MAP1B: variants seen among roughly 807,000 people sequenced by gnomAD.
MAP1B encodes the protein microtubule associated protein 1B, also known as microtubule-associated protein 1B.
A neutral mutation model predicts 176.1 loss-of-function variants in MAP1B; 12 were observed. The observed-to-expected ratio is 0.07, with a 90% CI of 0.04 to 0.11. The LOEUF (loss-of-function observed/expected upper bound fraction) is 0.11, where lower values mean the gene tolerates loss of function less well. Among genes scored for constraint, MAP1B ranks in the 10% least tolerant of loss-of-function variants. MAP1B has a pLI of 1.00. For synonymous variants in MAP1B, 1,044 were observed against 1,135.0 expected (o/e 0.92, Z 1.61); for missense variants, 2,523 against 2,990.5 (o/e 0.84, Z 3.65).
Position 72,194,568 on chromosome 5 carries a change from A to C in MAP1B, c.1213A>C (p.Thr405Pro). The C allele has an allele frequency of 1.9e-6, 3 of 1,614,162 alleles. No individual in the cohort carries two copies. The South Asian group carries it at 3.3e-5, about 18-fold the overall frequency. The change falls in exon 5 of 7, where the codon ACT becomes CCT. Residue 405 changes from threonine to proline, a missense_variant. By Grantham distance (38) the Thr-to-Pro change is conservative (BLOSUM62 -1). This residue lies in a region of MAP1B where 1,925 missense variants were observed against 2,126.0 expected (regional missense o/e 0.91). Transcript: ENST00000296755. The surrounding 1 kb of genome is among the most constrained non-coding windows in gnomAD (Gnocchi z 7.2). ...ACCTCTGTTTAGAAGTGTAGGCAAT[A>C]CTATTGATCCTGTCATTCTTTTCCA... ...PEPLFRSVGN[T>P]IDPVILFQKM...
At chr5:72,121,846 C>T (rs1053247005) in intron 2 of MAP1B, among the ~76,000 whole-genome samples, 1 of 152,194 alleles carries the variant, frequency 6.6e-6, no homozygotes, top group African/African-American at 2.4e-5. Flanking sequence ...CCTGCTCCAA[C>T]CTTTAAACAA....
At chr5:72,142,287 C>T (rs1407618184) in intron 2 of MAP1B, among the ~76,000 whole-genome samples, 7 of 152,212 alleles carry the variant, frequency 4.6e-5, no homozygotes, top group African/African-American at 1.7e-4. Flanking sequence ...CCTGGGCGGT[C>T]GCTTATTGTG....
chr5:72,135,763 A>C (rs761804526), intron 2 of MAP1B, among the ~76,000 whole-genome samples: 28 of 152,002 alleles, frequency 1.8e-4, no homozygotes, highest in Admixed American at 8.5e-4. Flanking sequence ...ATAATTTTCC[A>C]TCCAGATTTC....
chr5:72,130,789 A>G lies in MAP1B; in HGVS notation c.286+14990A>G, dbSNP rs886921498. 4.6e-5 allele frequency among the ~76,000 whole-genome samples: 7 copies of G among 152,276 alleles called. No individual in the cohort carries two copies. The East Asian group carries it at 1.2e-3, about 25-fold the overall frequency. On this transcript the variant is annotated intron_variant, in intron 2 of 6. Transcript: ENST00000296755. ...AAGTTGCCTAGCATTTATGAACTTCAGTTTTATTATCTCTAAGGTCCTATT... is the reference window on the plus strand; with the variant it reads ...AAGTTGCCTAGCATTTATGAACTTCGGTTTTATTATCTCTAAGGTCCTATT...
chr5:72,156,599 G>A (rs935753167), intron 2 of MAP1B, among the ~76,000 whole-genome samples: 6 of 152,098 alleles, frequency 3.9e-5, no homozygotes, highest in African/African-American at 7.2e-5. Flanking sequence ...ACTCAGATTC[G>A]GACAGTGCTT....
chr5:72,161,618 C>T (rs145939942), intron 2 of MAP1B, among the ~76,000 whole-genome samples: 152 of 152,246 alleles, frequency 1.0e-3, no homozygotes, highest in African/African-American at 3.6e-3. Flanking sequence ...CCTCAGCTCA[C>T]ACTTAGGTTC....
At chr5:72,179,024 G>A (rs568910245) in intron 2 of MAP1B, among the ~76,000 whole-genome samples, 100 of 152,198 alleles carry the variant, frequency 6.6e-4, no homozygotes, top group African/African-American at 2.2e-3. Flanking sequence ...CTTTGGGAGA[G>A]CACAAACAAA....
At chr5:72,179,403 A>G (rs977651512) in intron 2 of MAP1B, among the ~76,000 whole-genome samples, 1 of 152,140 alleles carries the variant, frequency 6.6e-6, no homozygotes, top group Non-Finnish European at 1.5e-5. Context: ...CTTTCCTGGG[A>G]ACTTCTTTTC....
At position 72,196,449 on chromosome 5, in the gene MAP1B, G is replaced by C; in HGVS notation, c.3094G>C (p.Glu1032Gln). ...GGACAAAGCTGAAGATGCCAGAGAG[G>C]AGGAATATGAGCCGGAAAAAATGGA... The part of the protein sequence containing the change: ...EEDKAEDARE[E>Q]EYEPEKMEAE... The change falls in exon 5 of 7, where the codon GAG (glutamate) becomes CAG (glutamine). Residue 1032 changes from glutamate to glutamine, a missense_variant. Around this residue, in one of 4 missense-constraint regions of MAP1B, gnomAD observed 1,925 missense variants for 2,126.0 expected, o/e 0.91. Coordinates refer to ENST00000296755, the MANE Select transcript of MAP1B (RefSeq NM_005909.5). This position sits in a 1 kb window ranked among gnomAD's most constrained non-coding sequence, Gnocchi z 5.3. The C allele has an allele frequency of 6.2e-7, 1 of 1,613,860 alleles. No homozygotes were observed. The highest frequency in any genetic ancestry group is 8.5e-7 in the Non-Finnish European group (1 of 1,180,032).
At chr5:72,174,100 A>C (rs768564260) in intron 2 of MAP1B, among the ~76,000 whole-genome samples, 1 of 152,216 alleles carries the variant, frequency 6.6e-6, no homozygotes, top group Non-Finnish European at 1.5e-5. Context: ...ACTGCACTCC[A>C]GCCTGGGTGA....
chr5:72,136,393 A>G (rs57602400), intron 2 of MAP1B, among the ~76,000 whole-genome samples: 5,241 of 151,994 alleles, frequency 0.034, 233 homozygotes, highest in African/African-American at 0.11. Flanking sequence ...ATGGCCAGAT[A>G]CTCTTTTCCT....
rs188682734 is a variant in MAP1B, at chr5:72,160,735, C to T, written c.287-23008C>T. 3.3e-5 allele frequency among the ~76,000 whole-genome samples: 5 copies of T among 152,224 alleles called. No individual in the cohort carries two copies. In the East Asian group the frequency reaches 5.8e-4, roughly 18 times the overall value. On this transcript the variant is annotated intron_variant, in intron 2 of 6. Transcript: ENST00000296755. ...AATCTACAGAAAGTAGAGACTAGGG[C>T]AAACAGTGGGGCTCCCACCCTCTCC...
At chr5:72,144,592 G>A (rs1746012381) in intron 2 of MAP1B, among the ~76,000 whole-genome samples, 2 of 151,970 alleles carry the variant, frequency 1.3e-5, no homozygotes, top group South Asian at 4.2e-4. Flanking sequence ...ACGAGGTCTT[G>A]CTATGTTTCC....
rs935635002 is a variant in MAP1B, at chr5:72,116,003, C to G, written c.286+204C>G. The G allele has an allele frequency of 1.4e-5, 7 of 482,978 alleles. No homozygotes were observed. The Admixed American group carries it at 2.3e-4, about 16-fold the overall frequency. 29.9% of individuals were successfully genotyped at this position (482,978 alleles called of 1,614,324 possible). ...GTGTGGGTTATCTATTTTGTGGATT[C>G]TTAATGAGTTTTTAAGTTCTAGGGT... is the stretch of plus-strand genomic sequence containing the variant. On this transcript the variant is annotated intron_variant, in intron 2 of 6. Transcript: ENST00000296755.
Position 72,199,155 on chromosome 5 carries a change from G to A in MAP1B, c.5800G>A (p.Glu1934Lys), listed in dbSNP as rs1182128277. 4.3e-6 allele frequency: 7 copies of A among 1,614,142 alleles called. No homozygotes were observed. In the South Asian group the frequency reaches 7.7e-5, roughly 18 times the overall value. The change falls in exon 5 of 7, where the codon GAA (glutamate) becomes AAA (lysine). Residue 1934 changes from glutamate to lysine, a missense_variant. Glu to Lys is a moderately conservative substitution (Grantham distance 56). Around this residue, in one of 4 missense-constraint regions of MAP1B, gnomAD observed 1,925 missense variants for 2,126.0 expected, o/e 0.91. Transcript: ENST00000296755. The surrounding 1 kb of genome is among the most constrained non-coding windows in gnomAD (Gnocchi z 4.2). The part of the protein sequence containing the change: ...ETIGKTTKTP[E>K]DGDYSYEIIE... ...CATTGGGAAAACTACCAAGACCCCT[G>A]AAGATGGTGACTATTCCTATGAAAT...
At chr5:72,174,336 A>G (rs769590871) in intron 2 of MAP1B, among the ~76,000 whole-genome samples, 12 of 152,226 alleles carry the variant, frequency 7.9e-5, no homozygotes, top group African/African-American at 1.7e-4. Context: ...TATAAACCAT[A>G]AAGTCCATCA....
At chr5:72,154,658 A>G (rs1324812950) in intron 2 of MAP1B, among the ~76,000 whole-genome samples, 1 of 152,216 alleles carries the variant, frequency 6.6e-6, no homozygotes, top group Non-Finnish European at 1.5e-5. Context: ...CCAGGCTGCC[A>G]GGCCTAGCAA....
In MAP1B at chr5:72,115,818, G is replaced by T. The variant is rs577178281; in HGVS notation, c.286+19G>T. The T allele has an allele frequency of 1.3e-6, 2 of 1,560,234 alleles. No homozygotes were observed. The highest frequency in any genetic ancestry group is 1.8e-6 in the Non-Finnish European group (2 of 1,130,996). On this transcript the variant is annotated intron_variant, in intron 2 of 6. Transcript: ENST00000296755. ...GTCCCAGGTGAGGCTTCCGCTCAGT[G>T]TTGGTCAGCCTAGAATTCCAAAGGA...
intron 2 of MAP1B, among the ~76,000 whole-genome samples, chr5:72,151,716 C>G (rs1746143659): frequency 6.6e-6 from 1 of 152,102 alleles, no homozygotes; most frequent in African/African-American, 2.4e-5. Flanking sequence ...TAGGTGTGGT[C>G]CCAAACTGGC....
Sources: gnomAD v4.1 joint callset for allele counts (sites outside exome capture counted in the v4.1 genomes callset) on GRCh38, gnomAD v4.1.1 for gene constraint, gnomAD v4.1.1 regional missense constraint, Gnocchi (gnomAD v3.1) non-coding constraint, MANE v1.5 for transcripts, NCBI Gene and HGNC (gene_info 2026-07-23, HGNC 2026-07-21) for gene names.